Variants in CLSTN2 observed in about 807,000 individuals in gnomAD.
CLSTN2 encodes the protein calsyntenin 2, also known as calsyntenin-2.
In CLSTN2, 48 loss-of-function variants were observed where a neutral mutation model predicts 101.2. That is an observed-to-expected ratio of 0.47 (90% confidence interval 0.38 to 0.60). The LOEUF is 0.60. Ranked by LOEUF, CLSTN2 falls within the 20% of genes least tolerant of loss-of-function variation. The probability of loss-of-function intolerance (pLI) is 0.00; values close to 1 mark genes in which losing one functional copy is unlikely to be tolerated. For synonymous variants in CLSTN2, 481 were observed against 463.6 expected (o/e 1.04, Z -0.48); for missense variants, 1,160 against 1,238.2 (o/e 0.94, Z 0.95).
At chr3:140,467,998 C>A (rs1037002277) in intron 8 of CLSTN2, among the ~76,000 whole-genome samples, 1 of 152,208 alleles carries the variant, frequency 6.6e-6, no homozygotes, top group Non-Finnish European at 1.5e-5. Flanking sequence ...GGATGCCAAG[C>A]TGATGGAAAA....
chr3:140,210,308 T>C (rs992155549), intron 2 of CLSTN2, among the ~76,000 whole-genome samples: 2 of 152,212 alleles, frequency 1.3e-5, no homozygotes, highest in Admixed American at 1.3e-4. Flanking sequence ...AATGATCATA[T>C]TATGTTTGCA....
chr3:139,951,424 G>C lies in CLSTN2; in HGVS notation c.109+15941G>C, dbSNP rs183450649. On this transcript the variant is annotated intron_variant, in intron 1 of 16. Coordinates refer to ENST00000458420, the MANE Select transcript of CLSTN2 (RefSeq NM_022131.3). ...GAATAGGGTCTCCCTGGTGGGGGAT[G>C]CTGGAAGACCACTTGGGGAGCCCAT... Among the ~76,000 whole-genome samples the C allele has an allele frequency of 1.3e-3, 204 of 152,322 alleles. 2 individuals are homozygous for C. Among genetic ancestry groups the C allele is most frequent in the African/African-American group, 4.8e-3 (199 of 41,566 alleles).
At chr3:140,307,618 G>A (rs550216522) in intron 2 of CLSTN2, among the ~76,000 whole-genome samples, 10 of 152,242 alleles carry the variant, frequency 6.6e-5, no homozygotes, top group South Asian at 2.1e-4. Context: ...TTTTCAGGAC[G>A]TGGCACATAG....
intron 2 of CLSTN2, among the ~76,000 whole-genome samples, chr3:140,379,618 G>A (rs181228513): frequency 1.3e-5 from 2 of 152,278 alleles, no homozygotes; most frequent in Non-Finnish European, 2.9e-5. Context: ...AAGTAAAATA[G>A]CAAAACACAG....
intron 4 of CLSTN2, among the ~76,000 whole-genome samples, chr3:140,416,693 A>G (rs953538151): frequency 6.6e-6 from 1 of 152,234 alleles, no homozygotes; most frequent in African/African-American, 2.4e-5. Flanking sequence ...TGTGATTGTT[A>G]TCTGAACTGA....
intron 8 of CLSTN2, among the ~76,000 whole-genome samples, chr3:140,493,464 A>T (rs1014060019): frequency 2.6e-5 from 4 of 152,232 alleles, no homozygotes; most frequent in African/African-American, 9.6e-5. Context: ...TTAGTCATGC[A>T]ACCTAAGGGC....
At chr3:140,329,535 C>G (rs2087361863) in intron 2 of CLSTN2, among the ~76,000 whole-genome samples, 1 of 152,098 alleles carries the variant, frequency 6.6e-6, no homozygotes, top group Non-Finnish European at 1.5e-5. Context: ...AGAACAAACT[C>G]TAACCCTCTA....
intron 1 of CLSTN2, among the ~76,000 whole-genome samples, chr3:139,958,218 C>T (rs568222224): frequency 2.2e-4 from 33 of 152,242 alleles, no homozygotes; most frequent in African/African-American, 7.9e-4. Context: ...GGTACAGCCA[C>T]CAGAACATTT....
chr3:140,466,079 C>T (rs966310475), intron 7 of CLSTN2, among the ~76,000 whole-genome samples: 31 of 152,168 alleles, frequency 2.0e-4, no homozygotes, highest in African/African-American at 7.0e-4. Flanking sequence ...ATCAACCTCT[C>T]CCCTCCTCCC....
chr3:140,358,671 C>T (rs2087698441), intron 2 of CLSTN2, among the ~76,000 whole-genome samples: 1 of 152,100 alleles, frequency 6.6e-6, no homozygotes, highest in Admixed American at 6.5e-5. Context: ...ATACTGGCAA[C>T]TTATTACCTG....
At chr3:140,349,467 C>T (rs1035299971) in intron 2 of CLSTN2, among the ~76,000 whole-genome samples, 1 of 152,130 alleles carries the variant, frequency 6.6e-6, no homozygotes, top group Non-Finnish European at 1.5e-5. Context: ...AATCCTTTTG[C>T]AATGGGGATA....
intron 2 of CLSTN2, among the ~76,000 whole-genome samples, chr3:140,200,424 A>G (rs2010703202): frequency 6.6e-6 from 1 of 152,202 alleles, no homozygotes; most frequent in Non-Finnish European, 1.5e-5. Context: ...GTTTGAAAAC[A>G]GAGTCAGTAT....
intron 2 of CLSTN2, among the ~76,000 whole-genome samples, chr3:140,306,848 T>TTTTTTATTATTATTATTA (rs767586358): frequency 1.4e-5 from 2 of 141,968 alleles, no homozygotes; most frequent in Non-Finnish European, 3.0e-5. Flanking sequence ...TTTTTGTCTT[T>TTTTTTATTATTATTATTA]TTATTATTAT....
intron 1 of CLSTN2, among the ~76,000 whole-genome samples, chr3:140,105,346 G>A (rs985027784): frequency 1.3e-5 from 2 of 152,142 alleles, no homozygotes. Flanking sequence ...TGGAGAGAAG[G>A]CATCATATCT....
intron 1 of CLSTN2, among the ~76,000 whole-genome samples, chr3:140,066,859 C>G (rs2008307659): frequency 6.6e-6 from 1 of 152,228 alleles, no homozygotes; most frequent in African/African-American, 2.4e-5. Context: ...TTGTTCTTCT[C>G]TTTGCTGTGA....
intron 2 of CLSTN2, among the ~76,000 whole-genome samples, chr3:140,243,001 A>G (rs2086484031): frequency 6.6e-6 from 1 of 152,194 alleles, no homozygotes; most frequent in Non-Finnish European, 1.5e-5. Flanking sequence ...ACTCATTGTT[A>G]AGCTTGAAAT....
At chr3:140,481,353 T>C (rs1301016486) in intron 8 of CLSTN2, among the ~76,000 whole-genome samples, 2 of 152,230 alleles carry the variant, frequency 1.3e-5, no homozygotes, top group South Asian at 2.1e-4. Context: ...ACTGTAGCCT[T>C]GTAGTATAGT....
chr3:140,353,222 T>A (rs1323523301), intron 2 of CLSTN2, among the ~76,000 whole-genome samples: 4 of 140,788 alleles, frequency 2.8e-5, no homozygotes, highest in African/African-American at 1.1e-4. Flanking sequence ...ACTAATGGAA[T>A]ATATATATGT....
At chr3:140,279,685 C>A (rs936745988) in intron 2 of CLSTN2, among the ~76,000 whole-genome samples, 6 of 152,092 alleles carry the variant, frequency 3.9e-5, no homozygotes, top group African/African-American at 1.4e-4. Flanking sequence ...GTCAGCAGCC[C>A]GCCTTCTATG....
Sources: gnomAD v4.1 joint callset for allele counts (sites outside exome capture counted in the v4.1 genomes callset) on GRCh38, gnomAD v4.1.1 for gene constraint, MANE v1.5 for transcripts, NCBI Gene and HGNC (gene_info 2026-07-23, HGNC 2026-07-21) for gene names.